Variants in SKIC3 observed in about 807,000 individuals in gnomAD.
The protein encoded by SKIC3 is SKI3 subunit of superkiller complex, also known as superkiller complex protein 3.
the SKIC3 span, chr5:95,516,687 C>T: frequency 1.9e-6 from 3 of 1,613,330 alleles, no homozygotes; most frequent in South Asian, 1.1e-5. Context: ...TAACATGCAA[C>T]CACACCAAGA....
At chr5:95,543,110 G>C in the SKIC3 span, 2 of 1,558,214 alleles carry the variant, frequency 1.3e-6, no homozygotes, top group Middle Eastern at 3.5e-4. Flanking sequence ...TTAGTTTAAT[G>C]TTGAAACCTG....
At chr5:95,500,076 G>A in the SKIC3 span, among the ~76,000 whole-genome samples, 1 of 151,664 alleles carries the variant, frequency 6.6e-6, no homozygotes, top group Non-Finnish European at 1.5e-5. Flanking sequence ...AACAGATGTT[G>A]TACCCATAAA....
chr5:95,517,231 T>A, the SKIC3 span: 3 of 1,613,308 alleles, frequency 1.9e-6, no homozygotes, highest in African/African-American at 4.0e-5. Flanking sequence ...ACATGAACAT[T>A]CACTTTAGAT....
the SKIC3 span, chr5:95,494,822 T>C: frequency 1.2e-6 from 2 of 1,611,726 alleles, no homozygotes; most frequent in Middle Eastern, 1.7e-4. Flanking sequence ...GTTAGCCAAT[T>C]TTCCTGATAG....
the SKIC3 span, chr5:95,516,939 CCTT>C: frequency 6.2e-7 from 1 of 1,609,646 alleles, no homozygotes; most frequent in Non-Finnish European, 8.5e-7. Flanking sequence ...TCCAGCAACT[CCTT>C]AAGATCATTC....
At chr5:95,534,620 GCT>G in the SKIC3 span, among the ~76,000 whole-genome samples, 1 of 152,048 alleles carries the variant, frequency 6.6e-6, no homozygotes, top group Non-Finnish European at 1.5e-5. Flanking sequence ...CTTCTGAAAT[GCT>G]CTTTCCCTGT....
chr5:95,501,855 T>G, the SKIC3 span, among the ~76,000 whole-genome samples: 1 of 152,110 alleles, frequency 6.6e-6, no homozygotes, highest in African/African-American at 2.4e-5. Flanking sequence ...ATTTGCAAAT[T>G]TAAGTTCTTG....
At chr5:95,492,652 G>GAAGAAAAAAAAAAAAA in the SKIC3 span, among the ~76,000 whole-genome samples, 1 of 48,842 alleles carries the variant, frequency 2.0e-5, no homozygotes, top group African/African-American at 1.4e-4. Context: ...AAAAAAAAAA[G>GAAGAAAAAAAAAAAAA]AAAAAAAAAA....
chr5:95,512,201 T>C, the SKIC3 span, among the ~76,000 whole-genome samples: 1 of 152,278 alleles, frequency 6.6e-6, no homozygotes, highest in Admixed American at 6.5e-5. Context: ...TTCTAGTGTA[T>C]AGTGTATAGT....
chr5:95,512,750 G>T, the SKIC3 span: 5 of 1,041,020 alleles, frequency 4.8e-6, no homozygotes, highest in South Asian at 1.4e-5. Context: ...ATTGTTAAAA[G>T]TACCTTTAAA....
the SKIC3 span, chr5:95,470,000 G>A: frequency 2.3e-5 from 33 of 1,432,246 alleles, no homozygotes; most frequent in Middle Eastern, 2.0e-4. Context: ...TTTTTGAGAC[G>A]GAGTCTCGCT....
the SKIC3 span, among the ~76,000 whole-genome samples, chr5:95,476,140 C>T: frequency 6.6e-6 from 1 of 152,182 alleles, no homozygotes; most frequent in Non-Finnish European, 1.5e-5. Flanking sequence ...TTGTCCTTGC[C>T]CAGGAACCCA....
At chr5:95,515,033 G>T in the SKIC3 span, 1 of 1,084,790 alleles carries the variant, frequency 9.2e-7, no homozygotes, top group Non-Finnish European at 1.4e-6. Flanking sequence ...AAATATGTAT[G>T]AACATAAAAT....
the SKIC3 span, among the ~76,000 whole-genome samples, chr5:95,524,172 T>G: frequency 6.6e-6 from 1 of 152,222 alleles, no homozygotes; most frequent in Admixed American, 6.5e-5. Context: ...AATTTAAACA[T>G]CTAACTTGTA....
the SKIC3 span, chr5:95,516,930 C>T: frequency 6.2e-7 from 1 of 1,604,942 alleles, no homozygotes. Context: ...AAAGATTTCT[C>T]CAGCAACTCC....
chr5:95,492,879 C>A, the SKIC3 span, among the ~76,000 whole-genome samples: 5 of 151,958 alleles, frequency 3.3e-5, no homozygotes, highest in African/African-American at 1.2e-4. Context: ...GCAGCAATTT[C>A]TTCTATCACA....
the SKIC3 span, among the ~76,000 whole-genome samples, chr5:95,480,634 G>A: frequency 4.6e-5 from 7 of 152,210 alleles, no homozygotes; most frequent in African/African-American, 1.7e-4. Flanking sequence ...TCTTTGGCAG[G>A]ATCTACTAAA....
the SKIC3 span, among the ~76,000 whole-genome samples, chr5:95,554,334 T>G: frequency 6.6e-6 from 1 of 152,150 alleles, no homozygotes; most frequent in Non-Finnish European, 1.5e-5. Flanking sequence ...TACCCGAAAC[T>G]AGATACAGAA....
At chr5:95,498,268 A>C in the SKIC3 span, 1 of 1,246,660 alleles carries the variant, frequency 8.0e-7, no homozygotes, top group African/African-American at 1.5e-5. Context: ...TGGTTTTCAA[A>C]TGTATATTCT....
Sources: gnomAD v4.1 joint callset for allele counts (sites outside exome capture counted in the v4.1 genomes callset) on GRCh38, gnomAD v4.1.1 for gene constraint, MANE v1.5 for transcripts, NCBI Gene and HGNC (gene_info 2026-07-23, HGNC 2026-07-21) for gene names.